The following MMACHC variants were observed in gnomAD, a reference collection of about 807,000 sequenced individuals.
MMACHC encodes the protein cyanocobalamin reductase / alkylcobalamin dealkylase.
MMACHC carries 14 observed loss-of-function variants against 17.6 expected under a neutral mutation model. That is an observed-to-expected ratio of 0.80 (90% CI 0.53 to 1.25). The LOEUF (loss-of-function observed/expected upper bound fraction) is 1.25, where lower values mean the gene tolerates loss of function less well. MMACHC is among the 50% of genes most tolerant of loss of function. The pLI, the probability that MMACHC is intolerant of heterozygous loss-of-function variation, is 0.00. For missense variants in MMACHC, 392 were observed against 364.5 expected (o/e 1.08, Z -0.62); for synonymous variants, 151 against 142.1 (o/e 1.06, Z -0.45).
Position 45,508,292 on chromosome 1 carries a change from A to G in MMACHC, c.357A>G (p.Thr119=). ...PNRRPKILAQ[T]AAHVAGAAYY... ...GACGCCCCAAGATCCTGGCCCAGAC[A>G]GCAGCCCATGTAGCTGGGGCTGCTT... Residue 119 remains threonine (T), a synonymous_variant, in exon 3 of 4, where the codon ACA becomes ACG. Transcript: ENST00000401061. 6.2e-7 allele frequency: 1 copy of G among 1,614,202 alleles called. No individual in the cohort carries two copies. Among genetic ancestry groups the G allele is most frequent in the Non-Finnish European group, 8.5e-7 (1 of 1,180,020 alleles).
chr1:45,511,378 A>C lies in MMACHC; in HGVS notation c.*2163A>C. On this transcript the variant is annotated 3_prime_UTR_variant, in exon 4 of 4. Transcript: ENST00000401061. ...TTTGCTCTTTTGGACATCAGGCTTGATGGTATCACTGCCAGGTTTCCAGCC... is the reference window on the plus strand; with the variant it reads ...TTTGCTCTTTTGGACATCAGGCTTGCTGGTATCACTGCCAGGTTTCCAGCC... 1.9e-6 allele frequency: 3 copies of C among 1,613,260 alleles called. No homozygotes were observed. The highest frequency in any genetic ancestry group is 1.1e-5 in the South Asian group (1 of 90,880).
In MMACHC at chr1:45,509,591, T is replaced by TACTAAAAA. The variant is rs1227119559; in HGVS notation, c.*376_*377insACTAAAAA. 1 of 194,378 alleles carries TACTAAAAA rather than the reference T, an allele frequency of 5.1e-6. No homozygotes were observed. Among genetic ancestry groups the TACTAAAAA allele is most frequent in the African/African-American group, 2.4e-5 (1 of 41,808 alleles). 12.0% of individuals were successfully genotyped at this position (194,378 alleles called of 1,614,324 possible). A position where few individuals can be genotyped will look rare whatever the true frequency, so the allele number is the denominator to read the frequency against. ...CTACACCTGGCTAATTTTTTGTATT[T>TACTAAAAA]TTAGTAGAGATGGGGTTTCATCATA... On this transcript the variant is annotated 3_prime_UTR_variant, in exon 4 of 4. Transcript: ENST00000401061.
rs1157052325 is a variant in MMACHC at position 45,508,871 on chromosome 1, A to G, written c.505A>G (p.Ile169Val). 6.2e-7 allele frequency: 1 copy of G among 1,614,156 alleles called. No individual in the cohort carries two copies. Among genetic ancestry groups the G allele is most frequent in the South Asian group, 1.1e-5 (1 of 91,080 alleles). Residue 169 changes from isoleucine (I) to valine (V), a missense_variant, in exon 4 of 4, where the codon ATA becomes GTA. Transcript: ENST00000401061. ...AIRGVVLLPG[I>V]EVPDLPPRKP... ...CCGAGGGGTAGTGCTGCTGCCAGGG[A>G]TAGAGGTGCCAGATCTGCCACCCAG...
Position 45,508,283 on chromosome 1 carries a change from G to GGCCCAGACAGCA in MMACHC, c.354_365dup (p.Gln118_Ala121dup). ...ACCCCAACCGACGCCCCAAGATCCTGGCCCAGACAGCAGCCCATGTAGCTG... is the reference window on the plus strand; with the variant it reads ...ACCCCAACCGACGCCCCAAGATCCTGGCCCAGACAGCAGCCCAGACAGCAGCCCATGTAGCTG... On this transcript the variant is annotated inframe_insertion, in exon 3 of 4. Coordinates refer to ENST00000401061, the MANE Select transcript of MMACHC (RefSeq NM_015506.3). The GGCCCAGACAGCA allele has an allele frequency of 1.2e-6, 2 of 1,614,178 alleles. No individual in the cohort carries two copies. The highest frequency in any genetic ancestry group is 2.2e-5 in the South Asian group (2 of 91,078).
rs1279586445 is a variant in MMACHC at position 45,508,900 on chromosome 1, A to C, written c.534A>C (p.Lys178Asn). 7.4e-6 allele frequency: 12 copies of C among 1,613,794 alleles called. No homozygotes were observed. Among genetic ancestry groups the C allele is most frequent in the Non-Finnish European group, 2.5e-6 (3 of 1,179,950 alleles). The change falls in exon 4 of 4, where the codon AAA becomes AAC. Residue 178 changes from lysine (K) to asparagine (N), a missense_variant. Transcript: ENST00000401061. The part of the protein sequence containing the change: ...GIEVPDLPPR[K>N]PHDCVPTRAD... ...AGGTGCCAGATCTGCCACCCAGAAAACCTCATGACTGTGTACCTACAAGAG... is the reference window on the plus strand; with the variant it reads ...AGGTGCCAGATCTGCCACCCAGAAACCCTCATGACTGTGTACCTACAAGAG...
intron 2 of MMACHC, 121 bp downstream of exon 2, chr1:45,507,671 A>G (rs971614095): frequency 8.8e-7 from 1 of 1,140,836 alleles, no homozygotes; most frequent in Admixed American, 2.0e-5. Context: ...TGATACCCTA[A>G]AGCCAGGCTT....
In MMACHC at chr1:45,500,384, C is replaced by T. The variant is rs1323856934; in HGVS notation, c.52C>T (p.Pro18Ser). The T allele has an allele frequency of 5.0e-6, 8 of 1,614,170 alleles. 1 individual carries two copies. In the South Asian group the frequency reaches 8.8e-5, roughly 18 times the overall value. ...LKQKIEDTLCPFGFEVYPFQV... is the reference protein window; with the variant it reads ...LKQKIEDTLCSFGFEVYPFQV... Reference sequence around the variant, plus strand: ...GCAGAAGATCGAGGACACGCTATGTCCTTTTGGCTTCGAGGTTTACCCCTT... The same window carrying T: ...GCAGAAGATCGAGGACACGCTATGTTCTTTTGGCTTCGAGGTTTACCCCTT... The change falls in exon 1 of 4, where the codon CCT (proline) becomes TCT (serine). Residue 18 changes from proline to serine, a missense_variant. By Grantham distance (74) the Pro-to-Ser change is moderately conservative (BLOSUM62 -1). Transcript: ENST00000401061.
intron 1 of MMACHC, 37 bp downstream of exon 1, chr1:45,500,450 T>C (rs766447931): frequency 4.4e-6 from 7 of 1,603,156 alleles, no homozygotes; most frequent in South Asian, 3.3e-5. Context: ...GGGCGAAATA[T>C]ATGATTGGCT....
intron 1 of MMACHC, among the ~76,000 whole-genome samples, chr1:45,500,932 G>A (rs1298899364): frequency 6.6e-6 from 1 of 150,682 alleles, no homozygotes; most frequent in Non-Finnish European, 1.5e-5. Context: ...TGCCGGATTC[G>A]TTAACGGGAG....
In MMACHC at chr1:45,511,712, G is replaced by GA. The variant is rs1215445237; in HGVS notation, c.*2505dup. ...GCCAACACTCTCTAATCCTTAAGGG[G>GA]AAAAAAAAGCTAAATAAACGACACA... On this transcript the variant is annotated 3_prime_UTR_variant, in exon 4 of 4. Transcript: ENST00000401061. 5.6e-5 allele frequency: 13 copies of GA among 233,130 alleles called. No homozygotes were observed. Among genetic ancestry groups the GA allele is most frequent in the South Asian group, 1.2e-4 (1 of 8,598 alleles). The allele number at this position is 233,130 out of a possible 1,614,324, so 14.4% of individuals were successfully genotyped here.
At chr1:45,508,660 T>C (rs1643674130) in intron 3 of MMACHC, 136 bp from the exon 4 acceptor site, 1 of 1,102,844 alleles carries the variant, frequency 9.1e-7, no homozygotes, top group East Asian at 2.6e-5. Flanking sequence ...TGAAAGGGTT[T>C]GCCAAGAAAA....
intron 1 of MMACHC, among the ~76,000 whole-genome samples, chr1:45,501,531 AC>A (rs1643545689): frequency 6.6e-6 from 1 of 152,216 alleles, no homozygotes; most frequent in Non-Finnish European, 1.5e-5. Flanking sequence ...AGGGTTATGT[AC>A]ATCCCAAATA....
chr1:45,500,624 G>C (rs925128675), intron 1 of MMACHC, among the ~76,000 whole-genome samples: 1 of 152,124 alleles, frequency 6.6e-6, no homozygotes, highest in Non-Finnish European at 1.5e-5. Flanking sequence ...CAGCACTTTG[G>C]GAGGCCGAGG....
rs190415425 is a variant in MMACHC at position 45,510,330 on chromosome 1, C to T, written c.*1115C>T. ...TCCTCAGTTCTGAATCTACCTTGGC[C>T]TCAAGGGCCCAGGAGAATAACTTTT... On this transcript the variant is annotated 3_prime_UTR_variant, in exon 4 of 4. Coordinates refer to ENST00000401061, the MANE Select transcript of MMACHC (RefSeq NM_015506.3). The T allele has an allele frequency of 6.6e-6, 1 of 152,218 alleles. No homozygotes were observed. The highest frequency in any genetic ancestry group is 1.9e-4 in the East Asian group (1 of 5,178). 9.4% of individuals were successfully genotyped at this position (152,218 alleles called of 1,614,324 possible).
chr1:45,511,304 G>A lies in MMACHC; in HGVS notation c.*2089G>A. 6.4e-7 allele frequency: 1 copy of A among 1,568,484 alleles called. No homozygotes were observed. The highest frequency in any genetic ancestry group is 1.2e-5 in the South Asian group (1 of 85,704). On this transcript the variant is annotated 3_prime_UTR_variant, in exon 4 of 4. Transcript: ENST00000401061. ...TTTGTTCTCATGGCTGCCCACCGCA[G>A]CCTGGCACTAAAACAGCCCAGCGCT...
intron 1 of MMACHC, among the ~76,000 whole-genome samples, chr1:45,502,183 C>T (rs957712588): frequency 2.0e-5 from 3 of 152,188 alleles, no homozygotes; most frequent in African/African-American, 7.2e-5. Flanking sequence ...CCTCTACAGA[C>T]CCTTCACTTC....
chr1:45,507,305 G>GC, intron 1 of MMACHC, 51 bp from the exon 2 acceptor site: 3 of 1,579,112 alleles, frequency 1.9e-6, no homozygotes, highest in Non-Finnish European at 2.6e-6. Flanking sequence ...TGTGGGCCAG[G>GC]CTGAGGCCTA....
intron 1 of MMACHC, among the ~76,000 whole-genome samples, chr1:45,501,479 A>G (rs760136253): frequency 1.9e-4 from 29 of 152,152 alleles, no homozygotes; most frequent in Non-Finnish European, 3.2e-4. Flanking sequence ...GCCAGAAAAA[A>G]TGGAATTGAG....
rs74365027 is a variant in MMACHC at position 45,508,799 on chromosome 1, A to G, written c.433A>G (p.Ile145Val). ...CTTTTCTTCACCCTCTCCCCAGCGC[A>G]TATCAGGTGTGTGCATACACCCCCG... Reference protein sequence around the residue: ...VEADPWGNQRISGVCIHPRFG... With the variant: ...VEADPWGNQRVSGVCIHPRFG... The change falls in exon 4 of 4, where the codon ATA becomes GTA. Residue 145 changes from isoleucine (I) to valine (V), a missense_variant. Physicochemically the swap from Ile to Val is conservative, Grantham distance 29. Transcript: ENST00000401061. 76 of 1,613,700 alleles carry G rather than the reference A, an allele frequency of 4.7e-5. No homozygotes were observed. The highest frequency in any genetic ancestry group is 1.6e-4 in the East Asian group (7 of 44,886).
Sources: gnomAD v4.1 joint callset for allele counts (sites outside exome capture counted in the v4.1 genomes callset) on GRCh38, gnomAD v4.1.1 for gene constraint, MANE v1.5 for transcripts, NCBI Gene and HGNC (gene_info 2026-07-23, HGNC 2026-07-21) for gene names.